Variants in TERT observed in about 807,000 individuals in gnomAD.
The protein encoded by TERT is telomerase catalytic subunit.
Under a neutral mutation model 104.0 loss-of-function variants are expected in TERT, and 42 were observed. The ratio of observed to expected loss-of-function variants is 0.40; its 90% CI spans 0.32 to 0.52. The LOEUF (loss-of-function observed/expected upper bound fraction) is 0.52, where lower values mean the gene tolerates loss of function less well. TERT is among the 20% of genes least tolerant of loss of function. The probability of loss-of-function intolerance (pLI) is 0.43; values close to 1 mark genes in which losing one functional copy is unlikely to be tolerated. For synonymous variants in TERT, 781 were observed against 725.6 expected (o/e 1.08, Z -1.23); for missense variants, 1,101 against 1,610.3 (o/e 0.68, Z 5.41).
intron 2 of TERT, among the ~76,000 whole-genome samples, chr5:1,290,220 C>T (rs1472567808): frequency 9.1e-5 from 5 of 55,190 alleles, no homozygotes; most frequent in Admixed American, 1.8e-4. Flanking sequence ...CCGGGGACCG[C>T]GCCTCACTCA....
At chr5:1,266,371 C>T in intron 10 of TERT, 93 bp downstream of exon 10, 1 of 1,132,336 alleles carries the variant, frequency 8.8e-7, no homozygotes. Flanking sequence ...TTGGCAGAGA[C>T]AACGCTGCGG....
At position 1,293,450 on chromosome 5, in the gene TERT, C is replaced by A; in HGVS notation, c.1436G>T (p.Gly479Val). Residue 479 changes from glycine to valine, a missense_variant, in exon 2 of 16, where the codon GGC becomes GTC. Gly to Val is a moderately radical substitution (Grantham distance 109). Transcript: ENST00000310581. ...LRRLVPPGLW[G>V]SRHNERRFLR... ...GAAGCGGCGTTCGTTGTGCCTGGAGCCCCAGAGGCCTGGGGGCACCAGCCG... is the reference window on the plus strand; with the variant it reads ...GAAGCGGCGTTCGTTGTGCCTGGAGACCCAGAGGCCTGGGGGCACCAGCCG... The A allele has an allele frequency of 6.2e-7, 1 of 1,610,870 alleles. No individual in the cohort carries two copies. Among genetic ancestry groups the A allele is most frequent in the Non-Finnish European group, 8.5e-7 (1 of 1,179,208 alleles).
Position 1,261,604 on chromosome 5 carries a change from C to T in TERT, c.2844-1004G>A, listed in dbSNP as rs1748232275. ...CATGAGGGATGGGGACAGGTCTCGC[C>T]ATCAGTTTCACGTGCGTTTCTTTGA... On this transcript the variant is annotated intron_variant, in intron 11 of 15. Transcript: ENST00000310581. The surrounding 1 kb of genome is among the most constrained non-coding windows in gnomAD (Gnocchi z 7.4). 6.6e-6 allele frequency among the ~76,000 whole-genome samples: 1 copy of T among 152,250 alleles called. No homozygotes were observed. Among genetic ancestry groups the T allele is most frequent in the African/African-American group, 2.4e-5 (1 of 41,476 alleles).
At position 1,288,143 on chromosome 5, in the gene TERT, C is replaced by G. The variant is rs1445535749; in HGVS notation, c.1573+5170G>C. Among the ~76,000 whole-genome samples the G allele has an allele frequency of 6.6e-6, 1 of 151,918 alleles. No individual in the cohort carries two copies. Among genetic ancestry groups the G allele is most frequent in the East Asian group, 1.9e-4 (1 of 5,184 alleles). ...ATATCAAAATGATTTCACGTCAAAA[C>G]ACAGCGTGCACAAAGAAAAAAATCA... On this transcript the variant is annotated intron_variant, in intron 2 of 15. Transcript: ENST00000310581. The surrounding 1 kb of genome is among the most constrained non-coding windows in gnomAD (Gnocchi z 5.3).
intron 2 of TERT, among the ~76,000 whole-genome samples, chr5:1,285,803 C>T (rs558177671): frequency 7.2e-5 from 11 of 151,922 alleles, no homozygotes; most frequent in South Asian, 2.1e-4. Flanking sequence ...CTCCTGACCT[C>T]GTGATCCACC....
rs59301706 is a variant in TERT at position 1,259,161 on chromosome 5, C to T, written c.2971-502G>A. The stretch of plus-strand genomic sequence containing the variant: ...AGATGCCCACAGGAGAGGGAGTGGA[C>T]GCGGATGCCCACAGGAGAGGGGGAG... On this transcript the variant is annotated intron_variant, in intron 12 of 15. Transcript: ENST00000310581. 4.4e-3 allele frequency among the ~76,000 whole-genome samples: 556 copies of T among 127,570 alleles called. 5 individuals carry two copies. The highest frequency in any genetic ancestry group is 0.016 in the African/African-American group (521 of 32,620). The allele number at this position is 127,570 out of a possible 152,430, so 83.7% of individuals were successfully genotyped here. A position where few individuals can be genotyped will look rare whatever the true frequency, so the allele number is the denominator to read the frequency against.
chr5:1,293,333 G>A lies in TERT; in HGVS notation c.1553C>T (p.Ala518Val), dbSNP rs1474097655. ...CTCACCTGGGCTCCTGCGCAGCCAA[G>A]CGCAGTCCCGCACGCTCATCTTCCA... ...LTWKMSVRDC[A>V]WLRRSPGVGC... The change falls in exon 2 of 16, where the codon GCT becomes GTT. Residue 518 changes from alanine (A) to valine (V), a missense_variant. This residue lies in a region of TERT where 504 missense variants were observed against 544.6 expected (regional missense o/e 0.93). Transcript: ENST00000310581. The A allele has an allele frequency of 6.2e-7, 1 of 1,613,180 alleles. No homozygotes were observed. The highest frequency in any genetic ancestry group is 8.5e-7 in the Non-Finnish European group (1 of 1,180,018).
At position 1,287,317 on chromosome 5, in the gene TERT, C is replaced by G. The variant is rs776714501; in HGVS notation, c.1574-4693G>C. Among the ~76,000 whole-genome samples, 2 of 151,976 alleles carry G rather than the reference C, an allele frequency of 1.3e-5. No homozygotes were observed. Among genetic ancestry groups the G allele is most frequent in the Non-Finnish European group, 2.9e-5 (2 of 67,978 alleles). On this transcript the variant is annotated intron_variant, in intron 2 of 15. Coordinates refer to ENST00000310581, the MANE Select transcript of TERT (RefSeq NM_198253.3). This position sits in a 1 kb window ranked among gnomAD's most constrained non-coding sequence, Gnocchi z 4.3. Reference sequence around the variant, plus strand: ...GAGTTTGAGACCAGCCTGGGCAACACAGCAAGACCCTGTCTCCAGAAAAAA... The same window carrying G: ...GAGTTTGAGACCAGCCTGGGCAACAGAGCAAGACCCTGTCTCCAGAAAAAA...
rs753691323 is a variant in TERT, at chr5:1,255,347, G to A, written c.3097C>T (p.Leu1033=). 14 of 1,614,114 alleles carry A rather than the reference G, an allele frequency of 8.7e-6. No homozygotes were observed. In the South Asian group the frequency reaches 1.4e-4, roughly 16 times the overall value. The change falls in exon 14 of 16, where the codon CTG becomes TTG. Residue 1033 remains leucine (L), a synonymous_variant. Coordinates refer to ENST00000310581, the MANE Select transcript of TERT (RefSeq NM_198253.3). This position sits in a 1 kb window ranked among gnomAD's most constrained non-coding sequence, Gnocchi z 6.9. ...GAGGCCGTGTCAGAGATGACGCGCA[G>A]GAAAAATGTGGGGTTCTTCCAAACT... ...QQVWKNPTFF[L]RVISDTASLC...
rs947003749 is a variant in TERT, at chr5:1,288,203, T to C, written c.1573+5110A>G. Among the ~76,000 whole-genome samples the C allele has an allele frequency of 6.6e-6, 1 of 151,946 alleles. No homozygotes were observed. Among genetic ancestry groups the C allele is most frequent in the African/African-American group, 2.4e-5 (1 of 41,426 alleles). On this transcript the variant is annotated intron_variant, in intron 2 of 15. Coordinates refer to ENST00000310581, the MANE Select transcript of TERT (RefSeq NM_198253.3). The surrounding 1 kb of genome is among the most constrained non-coding windows in gnomAD (Gnocchi z 5.3). ...AATACTTAAAAGAAGTATTAACACT[T>C]TGAAGTATTTTAAGAACACTTGAAA...
At chr5:1,271,707 G>T (rs1402620124) in intron 7 of TERT, among the ~76,000 whole-genome samples, 1 of 152,224 alleles carries the variant, frequency 6.6e-6, no homozygotes, top group East Asian at 1.9e-4. Flanking sequence ...ACAGGGCCAC[G>T]TGGACAGACC....
In TERT at chr5:1,287,531, T is replaced by G. The variant is rs1750573225; in HGVS notation, c.1574-4907A>C. ...AAAATATATATATATATATATAAAT[T>G]AAAGGCAGAAAACAGACACAGCAGG... On this transcript the variant is annotated intron_variant, in intron 2 of 15. Coordinates refer to ENST00000310581, the MANE Select transcript of TERT (RefSeq NM_198253.3). The surrounding 1 kb of genome is among the most constrained non-coding windows in gnomAD (Gnocchi z 4.3). Among the ~76,000 whole-genome samples, 1 of 148,044 alleles carries G rather than the reference T, an allele frequency of 6.8e-6. No homozygotes were observed. The highest frequency in any genetic ancestry group is 2.5e-5 in the African/African-American group (1 of 40,214).
chr5:1,293,186 G>A, intron 2 of TERT, 127 bp downstream of exon 2: 4 of 1,171,242 alleles, frequency 3.4e-6, no homozygotes, highest in Non-Finnish European at 3.7e-6. Context: ...GACGTCCTGA[G>A]CGAAAAGCCA....
chr5:1,259,374 C>T (rs144704378), intron 12 of TERT, among the ~76,000 whole-genome samples: 3,783 of 124,532 alleles, frequency 0.03, 79 homozygotes, highest in South Asian at 0.061. Context: ...GACGCAGATG[C>T]CCACAGGAGA....
rs987435263 is a variant in TERT, at chr5:1,293,986, G to A, written c.900C>T (p.Gly300=). The change falls in exon 2 of 16, where the codon GGC becomes GGT. Residue 300 remains glycine (G), a synonymous_variant. Coordinates refer to ENST00000310581, the MANE Select transcript of TERT (RefSeq NM_198253.3). ...SGTRHSHPSV[G]RQHHAGPPST... ...ATGGGGGGCCCGCGTGGTGCTGGCG[G>A]CCCACGGATGGGTGGGAGTGGCGCG... 5 of 1,570,282 alleles carry A rather than the reference G, an allele frequency of 3.2e-6. No individual in the cohort carries two copies. The highest frequency in any genetic ancestry group is 4.3e-6 in the Non-Finnish European group (5 of 1,161,376).
chr5:1,284,092 C>T (rs1295959025), intron 2 of TERT, among the ~76,000 whole-genome samples: 19 of 144,368 alleles, frequency 1.3e-4, no homozygotes, highest in African/African-American at 4.7e-4. Context: ...AACCTCACCC[C>T]GGACCTGCAT....
At position 1,278,673 on chromosome 5, in the gene TERT, G is replaced by A; in HGVS notation, c.2254C>T (p.His752Tyr). Residue 752 changes from histidine to tyrosine, a missense_variant, in exon 6 of 16, where the codon CAT (histidine) becomes TAT (tyrosine). By Grantham distance (83) the His-to-Tyr change is moderately conservative. This residue lies in a region of TERT where 463 missense variants were observed against 797.5 expected (regional missense o/e 0.58). Transcript: ENST00000310581. ...TTGAAGGCCTTGCGGACGTGCCCATGGGCGGCCTTCTGGACCACGGCATAC... is the reference window on the plus strand; with the variant it reads ...TTGAAGGCCTTGCGGACGTGCCCATAGGCGGCCTTCTGGACCACGGCATAC... Reference protein sequence around the residue: ...RRYAVVQKAAHGHVRKAFKSH... With the variant: ...RRYAVVQKAAYGHVRKAFKSH... 1 of 1,614,138 alleles carries A rather than the reference G, an allele frequency of 6.2e-7. No individual in the cohort carries two copies. The highest frequency in any genetic ancestry group is 8.5e-7 in the Non-Finnish European group (1 of 1,180,040).
In TERT at chr5:1,293,354, T is replaced by G; in HGVS notation, c.1532A>C (p.Lys511Thr). Residue 511 changes from lysine to threonine, a missense_variant, in exon 2 of 16, where the codon AAG becomes ACG. Lys to Thr is a moderately conservative substitution (Grantham distance 78). Coordinates refer to ENST00000310581, the MANE Select transcript of TERT (RefSeq NM_198253.3). ...AKLSLQELTW[K>T]MSVRDCAWLR... ...CCAAGCGCAGTCCCGCACGCTCATC[T>G]TCCACGTCAGCTCCTGCAGCGAGAG... The G allele has an allele frequency of 6.2e-7, 1 of 1,613,312 alleles. No individual in the cohort carries two copies. The highest frequency in any genetic ancestry group is 8.5e-7 in the Non-Finnish European group (1 of 1,180,010).
chr5:1,289,838 A>G (rs1195283654), intron 2 of TERT, among the ~76,000 whole-genome samples: 11 of 89,160 alleles, frequency 1.2e-4, no homozygotes, highest in East Asian at 3.8e-4. Context: ...ACACCCGGGG[A>G]CAGTGCCTCA....
Sources: gnomAD v4.1 joint callset for allele counts (sites outside exome capture counted in the v4.1 genomes callset) on GRCh38, gnomAD v4.1.1 for gene constraint, gnomAD v4.1.1 regional missense constraint, Gnocchi (gnomAD v3.1) non-coding constraint, MANE v1.5 for transcripts, NCBI Gene and HGNC (gene_info 2026-07-23, HGNC 2026-07-21) for gene names.